CUL5: variants seen among roughly 807,000 people sequenced by gnomAD.
The protein encoded by CUL5 is cullin-5.
CUL5 carries 26 observed loss-of-function variants against 108.8 expected under a neutral mutation model. The ratio of observed to expected loss-of-function variants is 0.24; its 90% CI spans 0.18 to 0.33. The LOEUF (loss-of-function observed/expected upper bound fraction) is 0.33. Among genes scored for constraint, CUL5 ranks in the 10% least tolerant of loss-of-function variants. The probability of loss-of-function intolerance (pLI) is 1.00; values close to 1 mark genes in which losing one functional copy is unlikely to be tolerated. For synonymous variants in CUL5, 334 were observed against 298.0 expected (o/e 1.12, Z -1.25); for missense variants, 524 against 909.2 (o/e 0.58, Z 5.45).
intron 2 of CUL5, among the ~76,000 whole-genome samples, chr11:108,034,564 T>C (rs1050621892): frequency 1.3e-5 from 2 of 152,126 alleles, no homozygotes; most frequent in African/African-American, 4.8e-5. Flanking sequence ...GGTATGATTG[T>C]AAGTTCAGCA....
chr11:108,097,296 G>A (rs576745445), intron 16 of CUL5, among the ~76,000 whole-genome samples: 10 of 152,324 alleles, frequency 6.6e-5, no homozygotes, highest in African/African-American at 1.7e-4. Context: ...AATTACAGGC[G>A]TGAGCCACTG....
intron 3 of CUL5, 46 bp downstream of exon 3, chr11:108,046,415 A>G: frequency 1.9e-6 from 2 of 1,040,746 alleles, no homozygotes; most frequent in Non-Finnish European, 2.9e-6. Context: ...AACTACTCAG[A>G]TAATATCATA....
intron 7 of CUL5, among the ~76,000 whole-genome samples, chr11:108,055,507 A>G (rs949466998): frequency 2.0e-5 from 3 of 152,096 alleles, no homozygotes; most frequent in African/African-American, 7.2e-5. Flanking sequence ...GGTGGAGTGC[A>G]GTGGTGCAAT....
chr11:108,085,990 TAATA>T lies in CUL5; in HGVS notation c.1179-2532_1179-2529del, dbSNP rs1232680637. Reference sequence around the variant, plus strand: ...ATCAGTAATTATTAATAAGCTTAGATAATAAATAGCAATGAAGATATAATACATA... The same window carrying T: ...ATCAGTAATTATTAATAAGCTTAGATAATAGCAATGAAGATATAATACATA... On this transcript the variant is annotated intron_variant, in intron 11 of 18. Transcript: ENST00000393094. Among the ~76,000 whole-genome samples, 59 of 152,326 alleles carry T rather than the reference TAATA, an allele frequency of 3.9e-4. 1 individual carries two copies. The highest frequency in any genetic ancestry group is 1.9e-4 in the East Asian group (1 of 5,186).
At chr11:108,020,873 A>G (rs1862312172) in intron 1 of CUL5, among the ~76,000 whole-genome samples, 1 of 152,068 alleles carries the variant, frequency 6.6e-6, no homozygotes, top group South Asian at 2.1e-4. Flanking sequence ...CTTCACATTC[A>G]CTCACTACTC....
chr11:108,021,560 C>T (rs771044373), intron 1 of CUL5, among the ~76,000 whole-genome samples: 1 of 152,174 alleles, frequency 6.6e-6, no homozygotes, highest in Non-Finnish European at 1.5e-5. Context: ...TCATAGGTCA[C>T]TGCAGCCTTG....
At chr11:108,057,802 A>G (rs190471418) in intron 7 of CUL5, among the ~76,000 whole-genome samples, 4 of 152,220 alleles carry the variant, frequency 2.6e-5, no homozygotes, top group East Asian at 3.9e-4. Context: ...TACCAATACT[A>G]TTTTCCTGGT....
rs1861988685 is a variant in CUL5 at position 108,009,038 on chromosome 11, TCGATG to T, written c.-309_-305del. ...GAAGGAGTCGGGGAGGCTCGTGGAG[TCGATG>T]CTTCCTCTTCCAAGTCAGGTCGGCT... On this transcript the variant is annotated 5_prime_UTR_variant, in exon 1 of 19. An upstream start codon of the reference 5' UTR is lost. Transcript: ENST00000393094. 2.3e-6 allele frequency: 1 copy of T among 438,794 alleles called. No homozygotes were observed. The highest frequency in any genetic ancestry group is 4.1e-6 in the Non-Finnish European group (1 of 244,906). 27.2% of individuals were successfully genotyped at this position (438,794 alleles called of 1,614,324 possible).
Position 108,048,648 on chromosome 11 carries a change from CTTTTTTTTTTTTTTTTTTTTTT to C in CUL5, c.235-1227_235-1206del, listed in dbSNP as rs200991204. 1.1e-3 allele frequency among the ~76,000 whole-genome samples: 130 copies of C among 116,846 alleles called. 1 individual carries two copies. The highest frequency in any genetic ancestry group is 1.5e-3 in the Admixed American group (18 of 11,888). The allele number at this position is 116,846 out of a possible 152,430, so 76.7% of individuals were successfully genotyped here. A position where few individuals can be genotyped will look rare whatever the true frequency, so the allele number is the denominator to read the frequency against. ...ATAGTGGGGAAATAGACTCCACCAC[CTTTTTTTTTTTTTTTTTTTTTT>C]TTTTTTTTTTTTTTGAGGTGGATTC... On this transcript the variant is annotated intron_variant, in intron 3 of 18. Transcript: ENST00000393094.
intron 11 of CUL5, among the ~76,000 whole-genome samples, chr11:108,087,250 T>A (rs1017244064): frequency 5.3e-5 from 8 of 152,194 alleles, no homozygotes; most frequent in Admixed American, 1.3e-4. Flanking sequence ...AAAAGTTTCA[T>A]CCACCCCACT....
chr11:108,050,698 C>T (rs947708135), intron 4 of CUL5, among the ~76,000 whole-genome samples: 11 of 152,186 alleles, frequency 7.2e-5, no homozygotes, highest in Admixed American at 6.5e-4. Flanking sequence ...AATTACTTTT[C>T]TCCCTGTCTC....
rs1591302267 is a variant in CUL5, at chr11:108,054,966, T to C, written c.780+11T>C. The C allele has an allele frequency of 1.3e-6, 2 of 1,548,866 alleles. No homozygotes were observed. The highest frequency in any genetic ancestry group is 4.5e-5 in the East Asian group (2 of 44,246). On this transcript the variant is annotated intron_variant, in intron 7 of 18. Coordinates refer to ENST00000393094, the MANE Select transcript of CUL5 (RefSeq NM_003478.6). Reference sequence around the variant, plus strand: ...AACTCCGTTGAAGCAGTAAGTAATTTTGTAATTGTACATTTTATGGGATTA... The same window carrying C: ...AACTCCGTTGAAGCAGTAAGTAATTCTGTAATTGTACATTTTATGGGATTA...
intron 1 of CUL5, among the ~76,000 whole-genome samples, chr11:108,021,369 G>A (rs981362540): frequency 1.3e-5 from 2 of 152,130 alleles, no homozygotes; most frequent in Non-Finnish European, 1.5e-5. Context: ...ATTATTTCTT[G>A]CTCTTCCTTC....
intron 7 of CUL5, among the ~76,000 whole-genome samples, chr11:108,064,486 T>C (rs1463274443): frequency 2.0e-5 from 3 of 152,120 alleles, no homozygotes. Flanking sequence ...GGCAGGTGGA[T>C]CACTTGAGGT....
In CUL5 at chr11:108,094,984, A is replaced by G. The variant is rs1307224299; in HGVS notation, c.1740A>G (p.Gly580=). The change falls in exon 15 of 19, where the codon GGA becomes GGG. Residue 580 remains glycine, a synonymous_variant. Transcript: ENST00000393094. Reference sequence around the variant, plus strand: ...ATTGGCATCATCTCATGTCAAATGGAATTGTAAGTAGATAGTGTGTTAGTT... The same window carrying G: ...ATTGGCATCATCTCATGTCAAATGGGATTGTAAGTAGATAGTGTGTTAGTT... ...KLHWHHLMSN[G]IITFKNEVGQ... is the part of the protein sequence containing the mutation. The G allele has an allele frequency of 1.2e-6, 2 of 1,605,918 alleles. No individual in the cohort carries two copies. Among genetic ancestry groups the G allele is most frequent in the African/African-American group, 1.3e-5 (1 of 74,666 alleles).
At chr11:108,023,276 T>C (rs186111117) in intron 1 of CUL5, among the ~76,000 whole-genome samples, 19 of 152,246 alleles carry the variant, frequency 1.2e-4, no homozygotes, top group African/African-American at 3.1e-4. Flanking sequence ...AAAAACGCAG[T>C]ATCTTCTCCA....
intron 2 of CUL5, among the ~76,000 whole-genome samples, chr11:108,038,467 T>G (rs1253323306): frequency 1.3e-5 from 2 of 151,936 alleles, no homozygotes; most frequent in East Asian, 3.9e-4. Context: ...GTGGGTGGAT[T>G]ACCTGAGGTC....
At chr11:108,034,466 A>G (rs553543420) in intron 2 of CUL5, among the ~76,000 whole-genome samples, 2 of 152,280 alleles carry the variant, frequency 1.3e-5, no homozygotes, top group East Asian at 1.9e-4. Flanking sequence ...TGACCATTCA[A>G]GTTCTCAGAT....
chr11:108,041,134 C>T (rs1407288379), intron 2 of CUL5, among the ~76,000 whole-genome samples: 1 of 152,172 alleles, frequency 6.6e-6, no homozygotes, highest in Non-Finnish European at 1.5e-5. Flanking sequence ...TAGAACTGTG[C>T]TGATTCTTAC....
Sources: allele counts gnomAD v4.1 joint callset (sites outside exome capture counted in the v4.1 genomes callset), GRCh38; gene constraint gnomAD v4.1.1; transcripts MANE v1.5; gene names NCBI Gene and HGNC (gene_info 2026-07-23, HGNC 2026-07-21).